The following SYTL3 variants were observed in gnomAD, a reference collection of about 807,000 sequenced individuals.
SYTL3 encodes synaptotagmin-like protein 3.
A neutral mutation model predicts 82.1 loss-of-function variants in SYTL3; 88 were observed. The observed-to-expected ratio is 1.07, with a 90% CI of 0.90 to 1.28. SYTL3 has a LOEUF of 1.28. Among genes scored for constraint, SYTL3 ranks in the 50% most tolerant of loss-of-function variants. SYTL3 has a pLI of 0.00. For missense variants in SYTL3, 831 were observed against 757.6 expected (o/e 1.10, Z -1.14); for synonymous variants, 311 against 289.4 (o/e 1.07, Z -0.76).
Position 158,713,878 on chromosome 6 carries a change from AG to A in SYTL3, c.595+1del, listed in dbSNP as rs369429053. 15,757 of 1,548,800 alleles carry A rather than the reference AG, an allele frequency of 0.01. 146 individuals are homozygous for A. The highest frequency in any genetic ancestry group is 0.011 in the Non-Finnish European group (12,236 of 1,144,976). ...TCTGTCTCTTGCTACCCACGTGAAA[AG>A]TAAGTGCATGCTTCATGATGTGTTT... On this transcript the variant is annotated splice_donor_variant, in intron 9 of 17. Coordinates refer to ENST00000611299, the MANE Select transcript of SYTL3 (RefSeq NM_001242394.2). LOFTEE classifies it high-confidence loss of function.
At chr6:158,673,852 G>A (rs1020821708) in intron 5 of SYTL3, among the ~76,000 whole-genome samples, 1 of 151,150 alleles carries the variant, frequency 6.6e-6, no homozygotes. Flanking sequence ...GGGAGGCCGA[G>A]CTGGGCGGAT....
chr6:158,752,596 T>C (rs1366605646), intron 13 of SYTL3, among the ~76,000 whole-genome samples: 1 of 152,232 alleles, frequency 6.6e-6, no homozygotes, highest in Non-Finnish European at 1.5e-5. Flanking sequence ...GATGGGGCCA[T>C]GCGCTCTGAT....
chr6:158,726,858 T>C (rs1784786665), intron 11 of SYTL3: 1 of 152,454 alleles, frequency 6.6e-6, no homozygotes, highest in South Asian at 2.1e-4. Flanking sequence ...TTCTTTTTTT[T>C]TTTTTTTTTG....
chr6:158,656,278 C>T (rs1198064168), intron 2 of SYTL3, among the ~76,000 whole-genome samples: 1 of 152,128 alleles, frequency 6.6e-6, no homozygotes, highest in Non-Finnish European at 1.5e-5. Flanking sequence ...CCTTTCCTGT[C>T]ACCTGTCAGT....
chr6:158,729,798 C>T (rs1436084603), intron 11 of SYTL3, among the ~76,000 whole-genome samples: 2 of 151,846 alleles, frequency 1.3e-5, no homozygotes, highest in Non-Finnish European at 2.9e-5. Flanking sequence ...GATCTCCTGA[C>T]CTTGTGATCC....
chr6:158,688,037 CTA>C (rs1324900884), intron 6 of SYTL3, among the ~76,000 whole-genome samples: 2 of 152,178 alleles, frequency 1.3e-5, no homozygotes, highest in African/African-American at 4.8e-5. Flanking sequence ...TGATCAGACT[CTA>C]TGTGGTTTTA....
intron 6 of SYTL3, among the ~76,000 whole-genome samples, chr6:158,693,862 T>TTC (rs1562384428): frequency 9.4e-5 from 13 of 138,530 alleles, no homozygotes; most frequent in Admixed American, 1.4e-4. Flanking sequence ...TTTCTTTTTT[T>TTC]TTTTTTTTTT....
At chr6:158,710,843 C>G (rs922535628) in intron 8 of SYTL3, among the ~76,000 whole-genome samples, 1 of 151,160 alleles carries the variant, frequency 6.6e-6, no homozygotes, top group Admixed American at 6.6e-5. Context: ...TGCAATGGCG[C>G]AATCTTGGCC....
chr6:158,647,734 G>A (rs1049880490), upstream of SYTL3, among the ~76,000 whole-genome samples: 1 of 152,246 alleles, frequency 6.6e-6, no homozygotes, highest in African/African-American at 2.4e-5. Flanking sequence ...ACTCGTAACT[G>A]CTCATGAATC....
chr6:158,665,491 G>C lies in SYTL3; in HGVS notation c.207G>C (p.Val69=), dbSNP rs776717607. Residue 69 remains valine, a synonymous_variant, in exon 5 of 18, where the codon GTG becomes GTC. Coordinates refer to ENST00000611299, the MANE Select transcript of SYTL3 (RefSeq NM_001242394.2). ...KEKCCARCQQ[V]LGFLLHRGAV... The stretch of plus-strand genomic sequence containing the variant: ...AGTGCTGTGCGCGCTGCCAGCAGGT[G>C]CTGGGGTTCCTGCTGCACCGGGGCG... 2.5e-6 allele frequency: 4 copies of C among 1,604,898 alleles called. No homozygotes were observed. Among genetic ancestry groups the C allele is most frequent in the Non-Finnish European group, 3.4e-6 (4 of 1,176,036 alleles).
rs1158570408 is a variant in SYTL3, at chr6:158,658,263, TTC to T, written c.-636-3004_-636-3003del. Reference sequence around the variant, plus strand: ...AATATACTTTTAAATATGAGTTAAATTCTGTTGTTAATTAAAATTTTTTTTTG... The same window carrying T: ...AATATACTTTTAAATATGAGTTAAATTGTTGTTAATTAAAATTTTTTTTTG... On this transcript the variant is annotated intron_variant, in intron 2 of 17. Transcript: ENST00000611299. Among the ~76,000 whole-genome samples the T allele has an allele frequency of 4.6e-5, 7 of 152,338 alleles. No homozygotes were observed. The East Asian group carries it at 7.7e-4, about 17-fold the overall frequency.
chr6:158,721,959 C>G lies in SYTL3; in HGVS notation c.721-3544C>G, dbSNP rs1784154592. On this transcript the variant is annotated intron_variant, in intron 10 of 17. Transcript: ENST00000611299. ...GGAGTACGTCTTTAAATAGAACATT[C>G]ATCAGACTGCAATTACACATGCCTT... 2.0e-5 allele frequency among the ~76,000 whole-genome samples: 3 copies of G among 152,228 alleles called. No individual in the cohort carries two copies. The South Asian group carries it at 6.2e-4, about 32-fold the overall frequency.
chr6:158,679,599 C>A (rs1285849852), intron 5 of SYTL3, among the ~76,000 whole-genome samples: 1 of 152,050 alleles, frequency 6.6e-6, no homozygotes, highest in Non-Finnish European at 1.5e-5. Context: ...CACAGATAGG[C>A]CCAAGAGATC....
upstream of SYTL3, among the ~76,000 whole-genome samples, chr6:158,646,061 T>C (rs949953049): frequency 6.6e-6 from 1 of 152,244 alleles, no homozygotes; most frequent in Non-Finnish European, 1.5e-5. Context: ...GGATCTGTTT[T>C]ATTCACTAAT....
chr6:158,759,675 G>A (rs1789641908), intron 14 of SYTL3, among the ~76,000 whole-genome samples: 1 of 152,130 alleles, frequency 6.6e-6, no homozygotes, highest in Non-Finnish European at 1.5e-5. Flanking sequence ...GGGATTATAG[G>A]CGCCCGTCAC....
In SYTL3 at chr6:158,758,793, T is replaced by A. The variant is rs538115582; in HGVS notation, c.1308+1412T>A. On this transcript the variant is annotated intron_variant, in intron 14 of 17. Transcript: ENST00000611299. ...AGCCCAAGACGACCCAAAACCCACC[T>A]CCTCCAGGAAGCCATTCCTGATTAC... Among the ~76,000 whole-genome samples, 3 of 151,962 alleles carry A rather than the reference T, an allele frequency of 2.0e-5. No homozygotes were observed. The South Asian group carries it at 6.3e-4, about 32-fold the overall frequency.
In SYTL3 at chr6:158,752,009, G is replaced by A. The variant is rs931645516; in HGVS notation, c.1116G>A (p.Pro372=). 1.3e-6 allele frequency: 2 copies of A among 1,598,224 alleles called. No homozygotes were observed. Among genetic ancestry groups the A allele is most frequent in the Admixed American group, 1.8e-5 (1 of 55,946 alleles). The change falls in exon 13 of 18, where the codon CCG becomes CCA. Residue 372 remains proline (P), a synonymous_variant. Transcript: ENST00000611299. ...KTGVQRNTVD[P]TFQETLKYQV... is the part of the protein sequence containing the mutation. ...GAGTCCAAAGGAACACCGTGGACCC[G>A]ACCTTTCAGGAGACCTTGAAGGTAC...
intron 10 of SYTL3, among the ~76,000 whole-genome samples, chr6:158,719,550 T>C (rs990159076): frequency 1.3e-5 from 2 of 152,164 alleles, no homozygotes; most frequent in Non-Finnish European, 2.9e-5. Context: ...TCTAGACAGT[T>C]TGAAATGTAT....
At chr6:158,764,005 A>C (rs1416839309) in intron 17 of SYTL3, among the ~76,000 whole-genome samples, 2 of 152,322 alleles carry the variant, frequency 1.3e-5, no homozygotes, top group East Asian at 1.9e-4. Context: ...GACAACCAAA[A>C]ACACCTGCAC....
Sources: gnomAD v4.1 joint callset for allele counts (sites outside exome capture counted in the v4.1 genomes callset) on GRCh38, gnomAD v4.1.1 for gene constraint, MANE v1.5 for transcripts, NCBI Gene and HGNC (gene_info 2026-07-23, HGNC 2026-07-21) for gene names.